Variants in DLG2 observed in about 807,000 individuals in gnomAD.
The protein encoded by DLG2 is discs large MAGUK scaffold protein 2.
Under a neutral mutation model 132.5 loss-of-function variants are expected in DLG2, and 45 were observed. That is an observed-to-expected ratio of 0.34 (90% confidence interval 0.27 to 0.44). The LOEUF (loss-of-function observed/expected upper bound fraction) is 0.44. DLG2 is among the 20% of genes least tolerant of loss of function. DLG2 has a pLI of 1.00. For missense variants in DLG2, 1,045 were observed against 1,196.9 expected, an observed-to-expected ratio of 0.87 and a Z score of 1.87; for synonymous variants, 424 against 419.6, an observed-to-expected ratio of 1.01 and a Z score of -0.13.
intron 6 of DLG2, among the ~76,000 whole-genome samples, chr11:85,002,171 C>T (rs1231157003): frequency 6.6e-6 from 1 of 151,428 alleles, no homozygotes; most frequent in Non-Finnish European, 1.5e-5. Context: ...ATTTTTTTTT[C>T]TCAAACCCCC....
At chr11:84,400,743 T>G (rs1471938788) in intron 7 of DLG2, among the ~76,000 whole-genome samples, 3 of 152,198 alleles carry the variant, frequency 2.0e-5, no homozygotes, top group African/African-American at 7.2e-5. Flanking sequence ...AAATACAGAC[T>G]AGACAGCAGA....
rs1196527566 is a variant in DLG2 at position 83,459,910 on chromosome 11, C to G, written c.2836G>C (p.Asp946His). ...TGGTTATATATATCTTCTAAAGTAT[C>G]TCCTTGGACAATAGCTGTAACAAAA... ...GEYFTAIVQG[D>H]TLEDIYNQCK... Residue 946 changes from aspartate to histidine, a missense_variant, in exon 28 of 28, where the codon GAT (aspartate) becomes CAT (histidine). Asp to His is a moderately conservative substitution (Grantham distance 81, BLOSUM62 -1). Around this residue, in one of 4 missense-constraint regions of DLG2, gnomAD observed 398 missense variants for 543.6 expected, o/e 0.73. Transcript: ENST00000376104. The G allele has an allele frequency of 5.7e-6, 9 of 1,589,900 alleles. No homozygotes were observed. The highest frequency in any genetic ancestry group is 7.8e-6 in the Non-Finnish European group (9 of 1,159,196).
chr11:85,247,362 G>A (rs140289092), intron 4 of DLG2, among the ~76,000 whole-genome samples: 67 of 152,024 alleles, frequency 4.4e-4, no homozygotes, highest in African/African-American at 1.5e-3. Flanking sequence ...AACTCAAAGC[G>A]GGATTCATTC....
At chr11:85,432,581 G>A (rs2153016316) in intron 3 of DLG2, among the ~76,000 whole-genome samples, 1 of 151,866 alleles carries the variant, frequency 6.6e-6, no homozygotes, top group East Asian at 1.9e-4. Context: ...AGAAAAAAGA[G>A]TATCAGAGAT....
intron 6 of DLG2, among the ~76,000 whole-genome samples, chr11:84,623,920 G>A (rs554145256): frequency 6.6e-6 from 1 of 152,174 alleles, no homozygotes; most frequent in East Asian, 1.9e-4. Flanking sequence ...ATTCTTCTCT[G>A]CTAGGTCCTA....
chr11:85,209,443 G>GTT (rs1171176251), intron 4 of DLG2, among the ~76,000 whole-genome samples: 2 of 25,956 alleles, frequency 7.7e-5, no homozygotes, highest in Non-Finnish European at 2.3e-4. Context: ...AAAGAAATCA[G>GTT]TCTTTTTTTT....
intron 3 of DLG2, among the ~76,000 whole-genome samples, chr11:85,500,554 A>AT (rs1414139696): frequency 7.5e-5 from 3 of 40,186 alleles, no homozygotes; most frequent in South Asian, 5.4e-4. Context: ...AAAAAATAAA[A>AT]ATAAAATAAA....
intron 3 of DLG2, among the ~76,000 whole-genome samples, chr11:85,323,323 A>G (rs2081210720): frequency 6.6e-6 from 1 of 152,224 alleles, no homozygotes; most frequent in Non-Finnish European, 1.5e-5. Flanking sequence ...TCCCTTGCAA[A>G]GCATTTGTTG....
At chr11:83,846,393 G>A (rs902688041) in intron 16 of DLG2, among the ~76,000 whole-genome samples, 1 of 152,142 alleles carries the variant, frequency 6.6e-6, no homozygotes, top group African/African-American at 2.4e-5. Context: ...TGTACTCAGG[G>A]GAGACTTTGT....
At chr11:84,139,726 G>A (rs2094759670) in intron 9 of DLG2, among the ~76,000 whole-genome samples, 1 of 151,990 alleles carries the variant, frequency 6.6e-6, no homozygotes, top group African/African-American at 2.4e-5. Flanking sequence ...CAGGCTAAAT[G>A]ACTACAAAGG....
At chr11:84,511,464 G>A (rs914014669) in intron 7 of DLG2, among the ~76,000 whole-genome samples, 104 of 151,846 alleles carry the variant, frequency 6.8e-4, no homozygotes, top group Non-Finnish European at 1.5e-4. Flanking sequence ...TATACTTCAG[G>A]TTATATCAGA....
Position 83,575,521 on chromosome 11 carries a change from T to C in DLG2, c.1941-33663A>G, listed in dbSNP as rs536992933. Among the ~76,000 whole-genome samples, 15 of 152,238 alleles carry C rather than the reference T, an allele frequency of 9.9e-5. 1 individual carries two copies. In the South Asian group the frequency reaches 2.3e-3, roughly 23 times the overall value. ...TCTTGAGTATTTAGCAGAGTACTGA[T>C]TGGCATCTGTGTGCATGAAGAAACT... On this transcript the variant is annotated intron_variant, in intron 19 of 27. Coordinates refer to ENST00000376104, the MANE Select transcript of DLG2 (RefSeq NM_001142699.3).
chr11:83,667,308 A>G (rs979913858), intron 18 of DLG2, among the ~76,000 whole-genome samples: 1 of 152,190 alleles, frequency 6.6e-6, no homozygotes, highest in East Asian at 1.9e-4. Context: ...TGTCCTACCT[A>G]CGCTTATTAT....
chr11:84,542,354 C>A (rs1256886292), intron 6 of DLG2, among the ~76,000 whole-genome samples: 1 of 152,146 alleles, frequency 6.6e-6, no homozygotes, highest in East Asian at 1.9e-4. Context: ...ATTACAGTTC[C>A]TTACACAAAG....
chr11:83,494,290 T>C (rs1371826357), intron 21 of DLG2, among the ~76,000 whole-genome samples: 1 of 151,162 alleles, frequency 6.6e-6, no homozygotes, highest in Non-Finnish European at 1.5e-5. Context: ...CAGTATTGAA[T>C]AGAAGTTTCA....
At chr11:85,568,771 C>T (rs895277390) in intron 3 of DLG2, among the ~76,000 whole-genome samples, 1 of 151,966 alleles carries the variant, frequency 6.6e-6, no homozygotes, top group African/African-American at 2.4e-5. Flanking sequence ...ACTTTCAATC[C>T]TGATTTTAGT....
At chr11:85,323,448 T>A (rs1352440771) in intron 3 of DLG2, among the ~76,000 whole-genome samples, 1 of 152,246 alleles carries the variant, frequency 6.6e-6, no homozygotes, top group African/African-American at 2.4e-5. Flanking sequence ...AATGATCAAA[T>A]AAATGAAATT....
intron 6 of DLG2, among the ~76,000 whole-genome samples, chr11:84,979,044 C>A (rs1185097114): frequency 5.9e-5 from 9 of 152,118 alleles, no homozygotes; most frequent in East Asian, 5.8e-4. Context: ...ATGCAGCCAA[C>A]AGACACATGA....
intron 3 of DLG2, among the ~76,000 whole-genome samples, chr11:85,414,624 G>A (rs951587261): frequency 8.6e-5 from 13 of 151,978 alleles, no homozygotes; most frequent in African/African-American, 2.2e-4. Context: ...TTGTTCCAGC[G>A]TATAGTTTTA....
Sources: allele counts gnomAD v4.1 joint callset (sites outside exome capture counted in the v4.1 genomes callset), GRCh38; gene constraint gnomAD v4.1.1; regional missense constraint gnomAD v4.1.1; transcripts MANE v1.5; gene names NCBI Gene and HGNC (gene_info 2026-07-23, HGNC 2026-07-21).